NLGN4X: variants seen among roughly 807,000 people sequenced by gnomAD.
NLGN4X encodes neuroligin-4, X-linked.
Under a neutral mutation model 40.3 loss-of-function variants are expected in NLGN4X, and 3 were observed. The observed-to-expected ratio is 0.07, with a 90% CI of 0.03 to 0.19. The LOEUF (loss-of-function observed/expected upper bound fraction) is 0.19, where lower values mean the gene tolerates loss of function less well. Ranked by LOEUF, NLGN4X falls within the 10% of genes least tolerant of loss-of-function variation. NLGN4X has a pLI of 1.00. For synonymous variants in NLGN4X, 270 were observed against 306.8 expected, an observed-to-expected ratio of 0.88 and a Z score of 1.25; for missense variants, 382 against 708.3, an observed-to-expected ratio of 0.54 and a Z score of 5.23.
intron 3 of NLGN4X, among the ~76,000 whole-genome samples, chrX:5,952,397 A>G (rs754232481): frequency 1.8e-5 from 2 of 111,308 alleles, no homozygotes; most frequent in African/African-American, 6.5e-5. Context: ...AACGTTCTTG[A>G]GTAGGTGTGA....
At chrX:6,136,872 G>C (rs2039831774) in intron 2 of NLGN4X, among the ~76,000 whole-genome samples, 1 of 112,339 alleles carries the variant, frequency 8.9e-6, no homozygotes, top group South Asian at 3.7e-4. Context: ...GGCTAAAAAT[G>C]TGTCAGGGGA....
At chrX:6,171,478 C>G (rs1226356418) in intron 1 of NLGN4X, among the ~76,000 whole-genome samples, 2 of 112,038 alleles carry the variant, frequency 1.8e-5, no homozygotes, top group Non-Finnish European at 3.8e-5. Flanking sequence ...GGCCACTGTT[C>G]CTTGGATTCC....
chrX:5,956,072 C>A (rs2034483315), intron 3 of NLGN4X, among the ~76,000 whole-genome samples: 1 of 108,742 alleles, frequency 9.2e-6, no homozygotes, highest in African/African-American at 3.3e-5. Flanking sequence ...AATACAAAGT[C>A]CTGCAAAACT....
At chrX:6,153,929 G>A (rs2040212248) in intron 1 of NLGN4X, among the ~76,000 whole-genome samples, 1 of 112,562 alleles carries the variant, frequency 8.9e-6, no homozygotes, top group African/African-American at 3.2e-5. Context: ...ACTAGGTCTA[G>A]ATTGGGCATT....
intron 3 of NLGN4X, among the ~76,000 whole-genome samples, chrX:5,912,676 C>A (rs1185667503): frequency 1.9e-5 from 2 of 107,999 alleles, no homozygotes; most frequent in Non-Finnish European, 3.8e-5. Flanking sequence ...AATAAAAAGA[C>A]CTGTTTTCCC....
At chrX:6,117,482 C>T (rs1289200994) in intron 2 of NLGN4X, among the ~76,000 whole-genome samples, 1 of 111,188 alleles carries the variant, frequency 9.0e-6, no homozygotes, top group Non-Finnish European at 1.9e-5. Flanking sequence ...CCACAACGTC[C>T]CATCTGTTAA....
intron 4 of NLGN4X, among the ~76,000 whole-genome samples, chrX:5,904,846 T>C (rs2032091319): frequency 8.9e-6 from 1 of 111,803 alleles, no homozygotes; most frequent in Non-Finnish European, 1.9e-5. Context: ...GCCCTGTCGA[T>C]TTTTAAGGTC....
intron 1 of NLGN4X, among the ~76,000 whole-genome samples, chrX:6,166,815 T>C (rs1363990895): frequency 9.0e-6 from 1 of 111,294 alleles, no homozygotes; most frequent in African/African-American, 3.3e-5. Context: ...CTCATGCCTA[T>C]AATCCCAACA....
chrX:6,088,808 T>A (rs139885126), intron 2 of NLGN4X, among the ~76,000 whole-genome samples: 306 of 112,212 alleles, frequency 2.7e-3, no homozygotes, highest in African/African-American at 9.4e-3. Context: ...CGAGTTCATA[T>A]GAATATACAT....
At chrX:6,181,611 T>C (rs1363421755) in intron 1 of NLGN4X, among the ~76,000 whole-genome samples, 1 of 111,597 alleles carries the variant, frequency 9.0e-6, no homozygotes, top group Non-Finnish European at 1.9e-5. Context: ...GCCCATGTTA[T>C]CACATAGCCA....
chrX:5,893,007 A>G lies in NLGN4X; in HGVS notation c.2261T>C (p.Leu754Pro), dbSNP rs1465132314. The G allele has an allele frequency of 8.3e-7, 1 of 1,210,998 alleles. No individual in the cohort carries two copies. The highest frequency in any genetic ancestry group is 2.2e-5 in the Admixed American group (1 of 45,933). The change falls in exon 6 of 6, where the codon CTC becomes CCC. Residue 754 changes from leucine (L) to proline (P), a missense_variant. Leu to Pro is a moderately conservative substitution (Grantham distance 98). This residue lies in a region of NLGN4X where 57 missense variants were observed against 65.6 expected (regional missense o/e 0.87). Transcript: ENST00000381095. ...ESLQAHDTLR[L>P]TCPPDYTLTL... is the part of the protein sequence containing the mutation. ...GAGGGTGTAGTCTGGCGGGCAGGTG[A>G]GCCTCAGTGTGTCGTGTGCCTGCAG...
At chrX:6,190,511 T>C (rs1396709525) in intron 1 of NLGN4X, among the ~76,000 whole-genome samples, 2 of 112,531 alleles carry the variant, frequency 1.8e-5, no homozygotes, top group African/African-American at 6.5e-5. Context: ...TTGAGATGTA[T>C]GAAAGCATCA....
intron 1 of NLGN4X, among the ~76,000 whole-genome samples, chrX:6,226,151 G>C (rs1157280202): frequency 1.9e-5 from 2 of 107,456 alleles, no homozygotes; most frequent in African/African-American, 6.8e-5. Flanking sequence ...TGCAAGCCCC[G>C]GCGCACCGCA....
chrX:5,979,662 T>C (rs1383277978), intron 3 of NLGN4X, among the ~76,000 whole-genome samples: 1 of 109,768 alleles, frequency 9.1e-6, no homozygotes, highest in East Asian at 2.9e-4. Context: ...AACTGCCTGT[T>C]CAATTTTCTG....
intron 3 of NLGN4X, among the ~76,000 whole-genome samples, chrX:5,940,155 GA>G (rs373614079): frequency 0.03 from 3,035 of 99,919 alleles, 69 homozygotes; most frequent in African/African-American, 0.065. Context: ...TTTCATCACG[GA>G]AAAAAAAAAA....
chrX:6,184,546 G>C (rs1250597905), intron 1 of NLGN4X, among the ~76,000 whole-genome samples: 3 of 107,645 alleles, frequency 2.8e-5, no homozygotes. Context: ...ATGCTGGGGG[G>C]GGTGGGGAAT....
Position 5,903,763 on chromosome X carries a change from G to C in NLGN4X, c.915C>G (p.Gly305=). Residue 305 remains glycine (G), a synonymous_variant, in exon 5 of 6, where the codon GGC becomes GGG. Coordinates refer to ENST00000381095, the MANE Select transcript of NLGN4X (RefSeq NM_181332.3). ...KYTRILADKV[G]CNMLDTTDMV... is the part of the protein sequence containing the mutation. ...TGTCCGTGGTGTCCAGCATGTTGCA[G>C]CCGACCTTGTCTGCCAATATCCGAG... 8.3e-7 allele frequency: 1 copy of C among 1,211,972 alleles called. No homozygotes were observed.
intron 1 of NLGN4X, among the ~76,000 whole-genome samples, chrX:6,176,598 A>C (rs1453684034): frequency 8.9e-6 from 1 of 112,183 alleles, no homozygotes; most frequent in Non-Finnish European, 1.9e-5. Context: ...AAAAGGGAAA[A>C]AGAAAAGAGG....
chrX:5,948,491 A>G (rs2034202578), intron 3 of NLGN4X, among the ~76,000 whole-genome samples: 1 of 112,241 alleles, frequency 8.9e-6, no homozygotes, highest in African/African-American at 3.2e-5. Context: ...TCTATTTTAA[A>G]GGACAAAATC....
Sources: gnomAD v4.1 joint callset for allele counts (sites outside exome capture counted in the v4.1 genomes callset) on GRCh38, gnomAD v4.1.1 for gene constraint, gnomAD v4.1.1 regional missense constraint, MANE v1.5 for transcripts, NCBI Gene and HGNC (gene_info 2026-07-23, HGNC 2026-07-21) for gene names.